Variants in BIRC6 observed in about 807,000 individuals in gnomAD.
The protein encoded by BIRC6 is dual E2 ubiquitin-conjugating enzyme/E3 ubiquitin-protein ligase BIRC6.
In BIRC6, 98 loss-of-function variants were observed where a neutral mutation model predicts 503.3. The ratio of observed to expected loss-of-function variants is 0.19; its 90% CI spans 0.17 to 0.23. BIRC6 has a LOEUF of 0.23. BIRC6 is among the 10% of genes least tolerant of loss of function. BIRC6 has a pLI of 1.00. For synonymous variants in BIRC6, 2,240 were observed against 2,078.7 expected (o/e 1.08, Z -2.11); for missense variants, 5,360 against 5,806.0 (o/e 0.92, Z 2.50).
At chr2:32,536,688 A>T (rs555003675) in intron 61 of BIRC6, among the ~76,000 whole-genome samples, 1 of 152,158 alleles carries the variant, frequency 6.6e-6, no homozygotes, top group South Asian at 2.1e-4. Flanking sequence ...TACCAGTACC[A>T]TGCTGTTTTG....
rs1463812137 is a variant in BIRC6 at position 32,406,509 on chromosome 2, C to T, written c.1429C>T (p.Leu477=). Residue 477 remains leucine, a synonymous_variant, in exon 9 of 74, where the codon CTG becomes TTG. Coordinates refer to ENST00000421745, the MANE Select transcript of BIRC6 (RefSeq NM_016252.4). ...GTTTTTTGATTTAAGTGATGATTTA[C>T]TGGAGGATTCAGACAGTGAAGAGCA... The part of the protein sequence containing the change: ...PKLEGDSDDL[L]EDSDSEEHSR... The T allele has an allele frequency of 6.2e-7, 1 of 1,608,492 alleles. No individual in the cohort carries two copies. The highest frequency in any genetic ancestry group is 8.5e-7 in the Non-Finnish European group (1 of 1,176,050).
chr2:32,377,416 G>A (rs2036972436), intron 1 of BIRC6, among the ~76,000 whole-genome samples, 172 bp from the exon 2 acceptor site: 1 of 151,940 alleles, frequency 6.6e-6, no homozygotes, highest in Non-Finnish European at 1.5e-5. Flanking sequence ...CTAATTTATG[G>A]TACATATTTG....
intron 33 of BIRC6, among the ~76,000 whole-genome samples, chr2:32,474,095 T>G (rs1572478689): frequency 6.6e-6 from 1 of 152,124 alleles, no homozygotes; most frequent in Non-Finnish European, 1.5e-5. Flanking sequence ...GTAAGAAGAT[T>G]CTATATGAAA....
rs774829468 is a variant in BIRC6 at position 32,518,889 on chromosome 2, C to T, written c.11566C>T (p.Arg3856Cys). The T allele has an allele frequency of 5.0e-6, 8 of 1,613,688 alleles. No individual in the cohort carries two copies. Among genetic ancestry groups the T allele is most frequent in the Non-Finnish European group, 5.1e-6 (6 of 1,179,814 alleles). ...HPMYGAGHKF[R>C]TLHLPVSTTL... Reference sequence around the variant, plus strand: ...AATGTATGGAGCAGGCCACAAATTCCGTACTCTTCATTTGCCAGTCTCAAC... The same window carrying T: ...AATGTATGGAGCAGGCCACAAATTCTGTACTCTTCATTTGCCAGTCTCAAC... Residue 3856 changes from arginine to cysteine, a missense_variant, in exon 57 of 74, where the codon CGT becomes TGT. Physicochemically the swap from Arg to Cys is radical, Grantham distance 180. This residue lies in a region of BIRC6 where 878 missense variants were observed against 928.9 expected (regional missense o/e 0.95). Coordinates refer to ENST00000421745, the MANE Select transcript of BIRC6 (RefSeq NM_016252.4).
In BIRC6 at chr2:32,357,522, G is replaced by T. The variant is rs1173753128; in HGVS notation, c.325+36G>T. On this transcript the variant is annotated intron_variant, in intron 1 of 73. Transcript: ENST00000421745. This position sits in a 1 kb window ranked among gnomAD's most constrained non-coding sequence, Gnocchi z 4.9. Reference sequence around the variant, plus strand: ...CGCACGCCGGGCGGGCGCGAAGCCGGGGAAAGAAGCCGTCCAGCCCCGGGG... The same window carrying T: ...CGCACGCCGGGCGGGCGCGAAGCCGTGGAAAGAAGCCGTCCAGCCCCGGGG... 6.5e-7 allele frequency: 1 copy of T among 1,533,464 alleles called. No homozygotes were observed. Among genetic ancestry groups the T allele is most frequent in the Non-Finnish European group, 8.8e-7 (1 of 1,140,880 alleles). 95.0% of individuals were successfully genotyped at this position (1,533,464 alleles called of 1,614,324 possible). A position where few individuals can be genotyped will look rare whatever the true frequency, so the allele number is the denominator to read the frequency against.
In BIRC6 at chr2:32,415,217, A is replaced by G. The variant is rs565406464; in HGVS notation, c.1926A>G (p.Ala642=). 1 of 1,613,854 alleles carries G rather than the reference A, an allele frequency of 6.2e-7. No individual in the cohort carries two copies. Among genetic ancestry groups the G allele is most frequent in the Non-Finnish European group, 8.5e-7 (1 of 1,179,828 alleles). ...LYSIKESDEK[A]GKIFSQMNNI... Reference sequence around the variant, plus strand: ...GCATCAAGGAATCTGATGAGAAAGCAGGAAAGATCTTTTCACAGATGAACA... The same window carrying G: ...GCATCAAGGAATCTGATGAGAAAGCGGGAAAGATCTTTTCACAGATGAACA... Residue 642 remains alanine, a synonymous_variant, in exon 10 of 74, where the codon GCA becomes GCG. Transcript: ENST00000421745.
At chr2:32,485,879 T>C (rs2050928895) in intron 40 of BIRC6, 120 bp downstream of exon 40, 1 of 628,302 alleles carries the variant, frequency 1.6e-6, no homozygotes. Context: ...GGGGACTTAG[T>C]ATGTAGCACT....
At position 32,433,755 on chromosome 2, in the gene BIRC6, A is replaced by G; in HGVS notation, c.3360A>G (p.Ile1120Met). 1 of 1,596,232 alleles carries G rather than the reference A, an allele frequency of 6.3e-7. No homozygotes were observed. The highest frequency in any genetic ancestry group is 8.6e-7 in the Non-Finnish European group (1 of 1,167,234). ...CAAACATCACCAATATTCCACAGAT[A>G]CAAGTGACACTGCTGAAAAATAAAG... ...LNSNITNIPQ[I>M]QVTLLKNKAP... is the part of the protein sequence containing the mutation. The change falls in exon 13 of 74, where the codon ATA becomes ATG. Residue 1120 changes from isoleucine (I) to methionine (M), a missense_variant. By Grantham distance (10) the Ile-to-Met change is conservative. Transcript: ENST00000421745.
chr2:32,429,165 C>G lies in BIRC6; in HGVS notation c.2892C>G (p.Leu964=). 2 of 1,590,086 alleles carry G rather than the reference C, an allele frequency of 1.3e-6. No homozygotes were observed. Among genetic ancestry groups the G allele is most frequent in the Non-Finnish European group, 1.7e-6 (2 of 1,168,946 alleles). ...CTGTAGGTGGTGAGCTTCATTTTCT[C>G]CAAATTGGAGGAACCTGTGATGATA... ...ACTKGGELHF[L]QIGGTCDDID... The change falls in exon 11 of 74, where the codon CTC becomes CTG. Residue 964 remains leucine, a synonymous_variant. Transcript: ENST00000421745.
chr2:32,537,964 C>CA (rs769563624), intron 61 of BIRC6, among the ~76,000 whole-genome samples: 154 of 111,098 alleles, frequency 1.4e-3, no homozygotes, highest in East Asian at 0.011. Context: ...GACTCCGTCT[C>CA]AAAAAAAAAA....
At chr2:32,475,764 G>T (rs2049687764) in intron 33 of BIRC6, among the ~76,000 whole-genome samples, 1 of 151,796 alleles carries the variant, frequency 6.6e-6, no homozygotes, top group Non-Finnish European at 1.5e-5. Flanking sequence ...AAGCTACATT[G>T]TAGCAAAAAA....
intron 53 of BIRC6, among the ~76,000 whole-genome samples, chr2:32,511,476 A>AT (rs1166383796): frequency 0.11 from 8,947 of 79,642 alleles, 1,316 homozygotes; most frequent in African/African-American, 0.14. Context: ...TAACTGACTA[A>AT]TTTTTTTTTT....
At chr2:32,473,003 T>C in intron 32 of BIRC6, 109 bp from the exon 33 acceptor site, 1 of 913,646 alleles carries the variant, frequency 1.1e-6, no homozygotes, top group Non-Finnish European at 1.6e-6. Flanking sequence ...TTAAAACTGC[T>C]TTTCATGATT....
In BIRC6 at chr2:32,529,944, T is replaced by G. The variant is rs1028376916; in HGVS notation, c.12094+120T>G. The G allele has an allele frequency of 8.9e-5, 54 of 610,050 alleles. No individual in the cohort carries two copies. The Middle Eastern group carries it at 1.9e-3, about 21-fold the overall frequency. 37.8% of individuals were successfully genotyped at this position (610,050 alleles called of 1,614,324 possible). Reference sequence around the variant, plus strand: ...ATATCAACATAAGATATAATTTTTTTATGACTGAATTTTTGTAAATATAAA... The same window carrying G: ...ATATCAACATAAGATATAATTTTTTGATGACTGAATTTTTGTAAATATAAA... On this transcript the variant is annotated intron_variant, in intron 60 of 73. Coordinates refer to ENST00000421745, the MANE Select transcript of BIRC6 (RefSeq NM_016252.4).
intron 21 of BIRC6, among the ~76,000 whole-genome samples, chr2:32,447,430 G>C (rs1401936636): frequency 6.7e-6 from 1 of 148,772 alleles, no homozygotes; most frequent in African/African-American, 2.5e-5. Flanking sequence ...CGGGCGGGGG[G>C]CTGACCCCCC....
intron 43 of BIRC6, 38 bp from the exon 44 acceptor site, chr2:32,491,387 G>A: frequency 6.5e-7 from 1 of 1,544,348 alleles, no homozygotes; most frequent in Non-Finnish European, 8.7e-7. Flanking sequence ...TTATTTCATG[G>A]TCCATTTCTT....
chr2:32,435,990 C>A, intron 14 of BIRC6, 63 bp from the exon 15 acceptor site: 1 of 997,230 alleles, frequency 1.0e-6, no homozygotes. Context: ...ATGATATTTG[C>A]TTATTAAATA....
intron 65 of BIRC6, among the ~76,000 whole-genome samples, chr2:32,568,981 TCTC>T: frequency 1.5e-5 from 2 of 136,548 alleles, no homozygotes; most frequent in East Asian, 2.0e-4. Flanking sequence ...CCCATGTCTC[TCTC>T]TTTTTTTTTT....
Position 32,594,020 on chromosome 2 carries a change from A to T in BIRC6, c.13461A>T (p.Ile4487=), listed in dbSNP as rs1240720772. 1 of 1,613,164 alleles carries T rather than the reference A, an allele frequency of 6.2e-7. No individual in the cohort carries two copies. Among genetic ancestry groups the T allele is most frequent in the South Asian group, 1.1e-5 (1 of 90,938 alleles). ...CAGACATCCAAAAGACTGCTGAGATAGTTTATGCAGCCACCACCAGTTTGC... is the reference window on the plus strand; with the variant it reads ...CAGACATCCAAAAGACTGCTGAGATTGTTTATGCAGCCACCACCAGTTTGC... ...LVPDIQKTAE[I]VYAATTSLRQ... is the part of the protein sequence containing the mutation. The change falls in exon 67 of 74, where the codon ATA becomes ATT. Residue 4487 remains isoleucine (I), a synonymous_variant. Transcript: ENST00000421745.
Sources: gnomAD v4.1 joint callset for allele counts (sites outside exome capture counted in the v4.1 genomes callset) on GRCh38, gnomAD v4.1.1 for gene constraint, gnomAD v4.1.1 regional missense constraint, Gnocchi (gnomAD v3.1) non-coding constraint, MANE v1.5 for transcripts, NCBI Gene and HGNC (gene_info 2026-07-23, HGNC 2026-07-21) for gene names.